CCDC150: variants seen among roughly 807,000 people sequenced by gnomAD.
CCDC150 encodes the protein coiled-coil domain-containing protein 150.
CCDC150 carries 151 observed loss-of-function variants against 156.5 expected under a neutral mutation model. The observed-to-expected ratio is 0.97, with a 90% confidence interval of 0.85 to 1.10. The LOEUF is 1.10. Ranked by LOEUF, CCDC150 falls within the 50% of genes least tolerant of loss-of-function variation. The pLI is 0.00. For missense variants in CCDC150, 1,312 were observed against 1,268.1 expected (o/e 1.03, Z -0.53); for synonymous variants, 452 against 429.4 (o/e 1.05, Z -0.65).
intron 1 of CCDC150, among the ~76,000 whole-genome samples, chr2:196,644,068 G>A (rs1163528869): frequency 6.6e-6 from 1 of 152,068 alleles, no homozygotes; most frequent in African/African-American, 2.4e-5. Context: ...GAATTGTAAG[G>A]GGGTAGGAAA....
At chr2:196,710,078 T>C (rs1350782557) in intron 15 of CCDC150, among the ~76,000 whole-genome samples, 3 of 152,230 alleles carry the variant, frequency 2.0e-5, no homozygotes, top group African/African-American at 4.8e-5. Context: ...TCTGCAGAAG[T>C]TTCTGCTGCC....
At chr2:196,709,548 C>T (rs981577566) in intron 15 of CCDC150, among the ~76,000 whole-genome samples, 3 of 152,148 alleles carry the variant, frequency 2.0e-5, no homozygotes, top group African/African-American at 7.2e-5. Context: ...TGTTCCGTTG[C>T]TGGTGAGGAG....
At chr2:196,684,593 G>C (rs1695019974) in intron 13 of CCDC150, among the ~76,000 whole-genome samples, 1 of 152,060 alleles carries the variant, frequency 6.6e-6, no homozygotes, top group African/African-American at 2.4e-5. Flanking sequence ...CATGTCTTCT[G>C]TTTCCGCATT....
rs1186001637 is a variant in CCDC150, at chr2:196,646,352, A to G, written c.24A>G (p.Glu8=). ...GACTGTATTCTTAGGTACATATGGA[A>G]ACTACAGTGTCCAGACCGGTCCTTT... MDCKVHM[E]TTVSRPVLSP... The change falls in exon 2 of 28, where the codon GAA becomes GAG. Residue 8 remains glutamate (E), a synonymous_variant. Transcript: ENST00000389175. 1.2e-6 allele frequency: 2 copies of G among 1,613,620 alleles called. No individual in the cohort carries two copies. The highest frequency in any genetic ancestry group is 2.2e-5 in the South Asian group (2 of 91,050).
At chr2:196,660,332 A>G (rs1693488532) in intron 5 of CCDC150, among the ~76,000 whole-genome samples, 1 of 152,222 alleles carries the variant, frequency 6.6e-6, no homozygotes, top group Non-Finnish European at 1.5e-5. Flanking sequence ...TGTAATACCT[A>G]GGAGTGCAAT....
chr2:196,658,669 A>T (rs2125587029), intron 4 of CCDC150, 123 bp from the exon 5 acceptor site: 3 of 652,980 alleles, frequency 4.6e-6, no homozygotes, highest in Non-Finnish European at 8.0e-6. Context: ...GAGTATTTAT[A>T]ACCATATTAA....
At chr2:196,682,082 T>C (rs1042126085) in intron 13 of CCDC150, among the ~76,000 whole-genome samples, 1 of 152,010 alleles carries the variant, frequency 6.6e-6, no homozygotes, top group African/African-American at 2.4e-5. Context: ...ATTTTTTTAA[T>C]AGTTTTATGT....
Position 196,732,740 on chromosome 2 carries a change from T to A in CCDC150, c.*178T>A. 2.4e-6 allele frequency: 1 copy of A among 419,490 alleles called. No individual in the cohort carries two copies. Among genetic ancestry groups the A allele is most frequent in the Non-Finnish European group, 4.3e-6 (1 of 234,128 alleles). 26.0% of individuals were successfully genotyped at this position (419,490 alleles called of 1,614,324 possible). ...CTTATATCAGTACAAAACTACCCCTTTTTTTGTCCCTTTTCACATTTTCCA... is the reference window on the plus strand; with the variant it reads ...CTTATATCAGTACAAAACTACCCCTATTTTTGTCCCTTTTCACATTTTCCA... On this transcript the variant is annotated 3_prime_UTR_variant, in exon 28 of 28. Coordinates refer to ENST00000389175, the MANE Select transcript of CCDC150 (RefSeq NM_001080539.2).
chr2:196,732,234 C>T, intron 27 of CCDC150, 82 bp downstream of exon 27: 2 of 1,437,144 alleles, frequency 1.4e-6, no homozygotes, highest in South Asian at 1.2e-5. Flanking sequence ...CTCTCATCAT[C>T]TCGATACTCT....
intron 7 of CCDC150, 98 bp downstream of exon 7, chr2:196,666,946 T>C (rs745404824): frequency 4.9e-5 from 65 of 1,323,750 alleles, no homozygotes; most frequent in Non-Finnish European, 6.4e-5. Context: ...GCCAGTGTTA[T>C]TGGTATTTCC....
At chr2:196,685,539 C>T (rs1263682119) in intron 13 of CCDC150, among the ~76,000 whole-genome samples, 2 of 151,560 alleles carry the variant, frequency 1.3e-5, no homozygotes, top group Non-Finnish European at 2.9e-5. Context: ...CTGGGAATGT[C>T]TTAATTTCTC....
chr2:196,658,993 C>T, intron 5 of CCDC150, 133 bp downstream of exon 5: 1 of 628,998 alleles, frequency 1.6e-6, no homozygotes, highest in Non-Finnish European at 2.8e-6. Context: ...TAAAAATATG[C>T]CACATTGAAT....
At chr2:196,693,093 T>C (rs560429519) in intron 13 of CCDC150, among the ~76,000 whole-genome samples, 9 of 152,342 alleles carry the variant, frequency 5.9e-5, no homozygotes, top group Non-Finnish European at 1.3e-4. Context: ...TTGTCTTTAT[T>C]GGTTCAAAGT....
intron 5 of CCDC150, among the ~76,000 whole-genome samples, chr2:196,660,195 G>A (rs1693478386): frequency 6.6e-6 from 1 of 151,978 alleles, no homozygotes. Context: ...ACCACAATTT[G>A]TTTATCCATT....
At chr2:196,697,242 T>A (rs992068726) in intron 14 of CCDC150, among the ~76,000 whole-genome samples, 3 of 152,234 alleles carry the variant, frequency 2.0e-5, no homozygotes, top group African/African-American at 7.2e-5. Context: ...ATTAATATCA[T>A]ATTGCAATAA....
At position 196,664,443 on chromosome 2, in the gene CCDC150, C is replaced by G. The variant is rs191407641; in HGVS notation, c.646-1124C>G. ...TACCCATTTGTTATAGAGGATATTA[C>G]AAAAGATACAGTTGAGCAGCCAGAT... On this transcript the variant is annotated intron_variant, in intron 5 of 27. Coordinates refer to ENST00000389175, the MANE Select transcript of CCDC150 (RefSeq NM_001080539.2). 3.7e-3 allele frequency among the ~76,000 whole-genome samples: 566 copies of G among 152,296 alleles called. 1 individual carries two copies. Among genetic ancestry groups the G allele is most frequent in the Middle Eastern group, 0.014 (4 of 294 alleles).
intron 13 of CCDC150, among the ~76,000 whole-genome samples, chr2:196,684,046 T>A (rs1195798514): frequency 2.0e-5 from 3 of 152,032 alleles, no homozygotes; most frequent in Non-Finnish European, 4.4e-5. Context: ...AATTTGCTTT[T>A]CTTTGTCTAG....
At chr2:196,694,549 C>G (rs1000264319) in intron 13 of CCDC150, among the ~76,000 whole-genome samples, 1 of 152,108 alleles carries the variant, frequency 6.6e-6, no homozygotes, top group African/African-American at 2.4e-5. Context: ...ACAAACCACA[C>G]AGAGAAAAGG....
intron 2 of CCDC150, among the ~76,000 whole-genome samples, chr2:196,653,138 G>A (rs914222783): frequency 6.6e-6 from 1 of 152,204 alleles, no homozygotes; most frequent in Non-Finnish European, 1.5e-5. Context: ...TTGGCTATTA[G>A]CATTTGGCTT....
Sources: allele counts gnomAD v4.1 joint callset (sites outside exome capture counted in the v4.1 genomes callset), GRCh38; gene constraint gnomAD v4.1.1; transcripts MANE v1.5; gene names NCBI Gene and HGNC (gene_info 2026-07-23, HGNC 2026-07-21).